HTR1F: variants seen among roughly 807,000 people sequenced by gnomAD.
HTR1F encodes the protein 5-hydroxytryptamine receptor 1F.
A neutral mutation model predicts 24.0 loss-of-function variants in HTR1F; 17 were observed. The ratio of observed to expected loss-of-function variants is 0.71; its 90% CI spans 0.48 to 1.06. The LOEUF (loss-of-function observed/expected upper bound fraction) is 1.06, where lower values mean the gene tolerates loss of function less well. Among genes scored for constraint, HTR1F ranks in the 50% least tolerant of loss-of-function variants. HTR1F has a pLI of 0.00. For missense variants in HTR1F, 391 were observed against 427.8 expected, an observed-to-expected ratio of 0.91 and a Z score of 0.76; for synonymous variants, 186 against 156.8, an observed-to-expected ratio of 1.19 and a Z score of -1.39.
chr3:87,980,128 C>T (rs1311268732), intron 2 of HTR1F, among the ~76,000 whole-genome samples: 1 of 152,192 alleles, frequency 6.6e-6, no homozygotes, highest in African/African-American at 2.4e-5. Flanking sequence ...GTCCCAAATT[C>T]TTGTCCTGCT....
At chr3:87,826,925 C>G (rs1704475849) in intron 2 of HTR1F, among the ~76,000 whole-genome samples, 1 of 152,028 alleles carries the variant, frequency 6.6e-6, no homozygotes, top group African/African-American at 2.4e-5. Context: ...ATCCTCCCAC[C>G]TCAGCCTCCC....
chr3:87,859,935 T>G (rs1412746223), intron 2 of HTR1F, among the ~76,000 whole-genome samples: 1 of 152,172 alleles, frequency 6.6e-6, no homozygotes, highest in African/African-American at 2.4e-5. Context: ...TGACCTAAAT[T>G]GATATCTTAT....
intron 2 of HTR1F, among the ~76,000 whole-genome samples, chr3:87,837,385 A>G (rs975656124): frequency 2.0e-5 from 3 of 152,164 alleles, no homozygotes; most frequent in African/African-American, 4.8e-5. Flanking sequence ...CAGTGCCAAC[A>G]GGACAGAGAA....
In HTR1F at chr3:87,887,734, G is replaced by T. The variant is rs536919087; in HGVS notation, c.-43+65610G>T. The stretch of plus-strand genomic sequence containing the variant: ...ACACATGAAATTGCTCATCATCACT[G>T]GTCATCAGAGAAATGCAAATCAAAA... On this transcript the variant is annotated intron_variant, in intron 2 of 2. Coordinates refer to ENST00000319595, the MANE Select transcript of HTR1F (RefSeq NM_001322209.2). Among the ~76,000 whole-genome samples, 21 of 152,272 alleles carry T rather than the reference G, an allele frequency of 1.4e-4. 1 individual carries two copies. In the South Asian group the frequency reaches 3.9e-3, roughly 29 times the overall value.
chr3:87,819,599 C>G (rs1704315448), intron 1 of HTR1F, among the ~76,000 whole-genome samples: 1 of 151,898 alleles, frequency 6.6e-6, no homozygotes, highest in African/African-American at 2.4e-5. Flanking sequence ...TGCTTATTTT[C>G]ACATTCATAC....
intron 2 of HTR1F, among the ~76,000 whole-genome samples, chr3:87,972,752 C>G (rs1705311891): frequency 6.6e-6 from 1 of 152,142 alleles, no homozygotes; most frequent in Admixed American, 6.6e-5. Flanking sequence ...TCACCTCCTC[C>G]CCTCCAAAAA....
intron 2 of HTR1F, among the ~76,000 whole-genome samples, chr3:87,900,542 G>A (rs150433852): frequency 1.3e-5 from 2 of 152,292 alleles, no homozygotes; most frequent in South Asian, 2.1e-4. Flanking sequence ...GCTCCATCAC[G>A]AAGGTGGTAA....
At chr3:87,849,212 A>G (rs1705020716) in intron 2 of HTR1F, among the ~76,000 whole-genome samples, 2 of 151,912 alleles carry the variant, frequency 1.3e-5, no homozygotes, top group Non-Finnish European at 2.9e-5. Context: ...AAACTATACT[A>G]CAAGGCTACG....
At chr3:87,829,159 G>A (rs1314787066) in intron 2 of HTR1F, among the ~76,000 whole-genome samples, 2 of 152,004 alleles carry the variant, frequency 1.3e-5, no homozygotes, top group African/African-American at 4.8e-5. Context: ...CCTCCTGGTT[G>A]AGTGATGAGC....
intron 1 of HTR1F, among the ~76,000 whole-genome samples, chr3:87,800,282 CT>C: frequency 6.6e-6 from 1 of 152,248 alleles, no homozygotes; most frequent in Middle Eastern, 3.4e-3. Flanking sequence ...TCCAACTTTA[CT>C]TTCAGCCACC....
chr3:87,923,651 T>C (rs932813918), intron 2 of HTR1F, among the ~76,000 whole-genome samples: 6 of 152,064 alleles, frequency 3.9e-5, no homozygotes, highest in African/African-American at 1.2e-4. Flanking sequence ...ATGATCTTCA[T>C]TGTTTTGAAG....
intron 2 of HTR1F, among the ~76,000 whole-genome samples, chr3:87,979,932 G>A (rs984490206): frequency 2.6e-5 from 4 of 152,226 alleles, no homozygotes; most frequent in Admixed American, 1.3e-4. Flanking sequence ...GCACCTGGAA[G>A]CATGAAGATG....
intron 2 of HTR1F, among the ~76,000 whole-genome samples, chr3:87,881,900 A>G (rs1705811521): frequency 6.6e-6 from 1 of 152,248 alleles, no homozygotes; most frequent in Non-Finnish European, 1.5e-5. Flanking sequence ...AGCAAAAGAA[A>G]CTACCATCAG....
intron 2 of HTR1F, among the ~76,000 whole-genome samples, chr3:87,829,900 C>T (rs1704541473): frequency 6.6e-6 from 1 of 152,130 alleles, no homozygotes; most frequent in African/African-American, 2.4e-5. Context: ...TTAATATTTG[C>T]AACAGAAGCA....
chr3:87,877,427 A>G (rs188921628), intron 2 of HTR1F, among the ~76,000 whole-genome samples: 1 of 152,122 alleles, frequency 6.6e-6, no homozygotes, highest in Non-Finnish European at 1.5e-5. Context: ...GAAAGAAAAA[A>G]CATTCCAAAA....
At chr3:87,984,675 T>G (rs1174726615) in intron 2 of HTR1F, among the ~76,000 whole-genome samples, 2 of 152,104 alleles carry the variant, frequency 1.3e-5, no homozygotes, top group African/African-American at 4.8e-5. Context: ...TTAGTCAAGC[T>G]GGTTGCAAAC....
Position 87,991,014 on chromosome 3 carries a change from T to C in HTR1F, c.265T>C (p.Trp89Arg). The C allele has an allele frequency of 6.2e-7, 1 of 1,614,146 alleles. No individual in the cohort carries two copies. Among genetic ancestry groups the C allele is most frequent in the Non-Finnish European group, 8.5e-7 (1 of 1,180,024 alleles). Residue 89 changes from tryptophan to arginine, a missense_variant, in exon 3 of 3, where the codon TGG becomes CGG. Transcript: ENST00000319595. ...CATTGTGTATATTGTGAGAGAGAGCTGGATTATGGGGCAAGTGGTCTGTGA... is the reference window on the plus strand; with the variant it reads ...CATTGTGTATATTGTGAGAGAGAGCCGGATTATGGGGCAAGTGGTCTGTGA... The part of the protein sequence containing the change: ...FSIVYIVRES[W>R]IMGQVVCDIW...
chr3:87,838,980 T>A (rs976658756), intron 2 of HTR1F, among the ~76,000 whole-genome samples: 15 of 151,472 alleles, frequency 9.9e-5, no homozygotes, highest in Admixed American at 6.6e-5. Flanking sequence ...GTCTCTTTAT[T>A]CTATTGATTG....
At chr3:87,858,580 T>C (rs906245988) in intron 2 of HTR1F, among the ~76,000 whole-genome samples, 2 of 152,186 alleles carry the variant, frequency 1.3e-5, no homozygotes, top group Non-Finnish European at 2.9e-5. Flanking sequence ...ACTATATTTA[T>C]GGATGTGGTT....
Sources: allele counts gnomAD v4.1 joint callset (sites outside exome capture counted in the v4.1 genomes callset), GRCh38; gene constraint gnomAD v4.1.1; transcripts MANE v1.5; gene names NCBI Gene and HGNC (gene_info 2026-07-23, HGNC 2026-07-21).